NLGN1: variants seen among roughly 807,000 people sequenced by gnomAD.
The protein encoded by NLGN1 is neuroligin 1, also known as neuroligin-1.
In NLGN1, 12 loss-of-function variants were observed where a neutral mutation model predicts 65.5. The ratio of observed to expected loss-of-function variants is 0.18; its 90% confidence interval spans 0.12 to 0.30. The LOEUF (loss-of-function observed/expected upper bound fraction) is 0.30. NLGN1 is among the 10% of genes least tolerant of loss of function. The pLI is 1.00. For synonymous variants in NLGN1, 350 were observed against 359.5 expected (o/e 0.97, Z 0.30); for missense variants, 750 against 1,007.1 (o/e 0.74, Z 3.46).
Position 173,991,296 on chromosome 3 carries a change from A to G in NLGN1, c.646+183464A>G, listed in dbSNP as rs369153790. On this transcript the variant is annotated intron_variant, in intron 4 of 6. Transcript: ENST00000457714. Reference sequence around the variant, plus strand: ...TAATTTAATAGAAAATACCTTTACAATCAATAAAAACATATTATCTATATG... The same window carrying G: ...TAATTTAATAGAAAATACCTTTACAGTCAATAAAAACATATTATCTATATG... Among the ~76,000 whole-genome samples the G allele has an allele frequency of 9.2e-5, 14 of 152,324 alleles. No homozygotes were observed. The East Asian group carries it at 1.3e-3, about 15-fold the overall frequency.
At chr3:173,527,603 T>A (rs1735868956) in intron 2 of NLGN1, among the ~76,000 whole-genome samples, 2 of 152,178 alleles carry the variant, frequency 1.3e-5, no homozygotes, top group South Asian at 4.1e-4. Flanking sequence ...TTCACCATGT[T>A]AGCCAGGATA....
chr3:173,484,444 A>G (rs1458414196), intron 2 of NLGN1, among the ~76,000 whole-genome samples: 2 of 152,184 alleles, frequency 1.3e-5, no homozygotes. Flanking sequence ...GAAATAATAA[A>G]TAAGATTCAT....
At chr3:173,656,711 C>T (rs1484472820) in intron 3 of NLGN1, among the ~76,000 whole-genome samples, 2 of 151,994 alleles carry the variant, frequency 1.3e-5, no homozygotes, top group African/African-American at 4.8e-5. Context: ...CATTCCAGGT[C>T]CTCAGCTCAG....
chr3:173,879,439 A>T (rs1345783888), intron 4 of NLGN1, among the ~76,000 whole-genome samples: 1 of 152,064 alleles, frequency 6.6e-6, no homozygotes, highest in African/African-American at 2.4e-5. Flanking sequence ...GTTCTAAAAG[A>T]TTCATTTTTA....
chr3:174,130,587 C>T (rs1719967801), intron 4 of NLGN1, among the ~76,000 whole-genome samples: 1 of 152,050 alleles, frequency 6.6e-6, no homozygotes, highest in African/African-American at 2.4e-5. Context: ...TATGATATAT[C>T]AGGCAATATG....
chr3:174,002,351 C>T (rs1334791004), intron 4 of NLGN1, among the ~76,000 whole-genome samples: 1 of 152,176 alleles, frequency 6.6e-6, no homozygotes, highest in Non-Finnish European at 1.5e-5. Flanking sequence ...TGGTCTCAAA[C>T]TCCTGAACTC....
chr3:173,552,761 G>A (rs1466611356), intron 2 of NLGN1, among the ~76,000 whole-genome samples: 4 of 152,072 alleles, frequency 2.6e-5, no homozygotes, highest in Admixed American at 1.3e-4. Context: ...TTGCAGTTTT[G>A]CCAGGGAGCC....
At chr3:174,014,245 C>CA (rs1726110194) in intron 4 of NLGN1, among the ~76,000 whole-genome samples, 1 of 152,164 alleles carries the variant, frequency 6.6e-6, no homozygotes, top group Admixed American at 6.5e-5. Flanking sequence ...ATGTAAACTA[C>CA]ATTGTTGTGT....
intron 2 of NLGN1, among the ~76,000 whole-genome samples, chr3:173,504,787 C>T (rs1731722401): frequency 1.3e-5 from 2 of 152,006 alleles, no homozygotes; most frequent in Admixed American, 6.6e-5. Context: ...CTCCATTGAC[C>T]ACGTTCTCTT....
At chr3:173,591,225 G>T (rs534891070) in intron 2 of NLGN1, among the ~76,000 whole-genome samples, 5 of 151,822 alleles carry the variant, frequency 3.3e-5, no homozygotes, top group Non-Finnish European at 7.4e-5. Flanking sequence ...TTAATATATT[G>T]ATATACTATT....
intron 4 of NLGN1, among the ~76,000 whole-genome samples, chr3:173,856,644 T>C (rs182586410): frequency 6.6e-6 from 1 of 152,144 alleles, no homozygotes. Flanking sequence ...AAACCAAATC[T>C]GGGAAAACGG....
intron 4 of NLGN1, among the ~76,000 whole-genome samples, chr3:174,273,063 T>G (rs1227393086): frequency 6.6e-6 from 1 of 151,442 alleles, no homozygotes; most frequent in East Asian, 1.9e-4. Context: ...AAAGAGTGCA[T>G]CTATAACTGG....
At chr3:173,654,040 C>T (rs1378591671) in intron 3 of NLGN1, among the ~76,000 whole-genome samples, 1 of 152,166 alleles carries the variant, frequency 6.6e-6, no homozygotes, top group African/African-American at 2.4e-5. Context: ...AATCACCCAG[C>T]TGATGCCATA....
At chr3:174,271,212 A>G (rs1173812144) in intron 4 of NLGN1, among the ~76,000 whole-genome samples, 2 of 151,848 alleles carry the variant, frequency 1.3e-5, no homozygotes, top group Admixed American at 1.3e-4. Flanking sequence ...TCCTACCTTA[A>G]AAAAGAAGGA....
intron 3 of NLGN1, among the ~76,000 whole-genome samples, chr3:173,777,200 C>G (rs1346500900): frequency 1.3e-5 from 2 of 151,914 alleles, no homozygotes; most frequent in Non-Finnish European, 2.9e-5. Context: ...TAAGGTTGTT[C>G]TCTCAGTGCC....
chr3:173,638,335 A>T (rs1218702714), intron 3 of NLGN1, among the ~76,000 whole-genome samples: 1 of 151,632 alleles, frequency 6.6e-6, no homozygotes, highest in African/African-American at 2.4e-5. Context: ...CAATAGACAG[A>T]TGTTGATTTT....
In NLGN1 at chr3:174,262,990, C is replaced by T. The variant is rs879740150; in HGVS notation, c.647-12325C>T. On this transcript the variant is annotated intron_variant, in intron 4 of 6. Transcript: ENST00000457714. ...GTTGTTCAGTTTCCATGTAGTTGAG[C>T]GGCTTTGAGTGAGATTCTTAATCCT... is the stretch of plus-strand genomic sequence containing the variant. Among the ~76,000 whole-genome samples the T allele has an allele frequency of 1.3e-3, 169 of 125,962 alleles. 1 individual carries two copies. Among genetic ancestry groups the T allele is most frequent in the Non-Finnish European group, 2.2e-3 (137 of 61,084 alleles). 82.6% of individuals were successfully genotyped at this position (125,962 alleles called of 152,430 possible). A position where few individuals can be genotyped will look rare whatever the true frequency, so the allele number is the denominator to read the frequency against.
chr3:173,671,683 T>C (rs1244943524), intron 3 of NLGN1, among the ~76,000 whole-genome samples: 1 of 152,122 alleles, frequency 6.6e-6, no homozygotes, highest in South Asian at 2.1e-4. Flanking sequence ...ACAAGCTAGA[T>C]AGGAAATCAC....
intron 4 of NLGN1, among the ~76,000 whole-genome samples, chr3:173,977,575 C>T (rs78418881): frequency 0.02 from 3,032 of 151,912 alleles, 95 homozygotes; most frequent in African/African-American, 0.069. Context: ...TACTAGAAGA[C>T]AGAGGTTCCA....
Sources: gnomAD v4.1 joint callset for allele counts (sites outside exome capture counted in the v4.1 genomes callset) on GRCh38, gnomAD v4.1.1 for gene constraint, MANE v1.5 for transcripts, NCBI Gene and HGNC (gene_info 2026-07-23, HGNC 2026-07-21) for gene names.